Variants in MYO6 observed in about 807,000 individuals in gnomAD.
MYO6 encodes unconventional myosin-VI.
Under a neutral mutation model 178.7 loss-of-function variants are expected in MYO6, and 74 were observed. The ratio of observed to expected loss-of-function variants is 0.41; its 90% CI spans 0.34 to 0.50. The LOEUF is 0.50. Among genes scored for constraint, MYO6 ranks in the 20% least tolerant of loss-of-function variants. The probability of loss-of-function intolerance (pLI) is 0.09; values close to 1 mark genes in which losing one functional copy is unlikely to be tolerated. For missense variants in MYO6, 1,330 were observed against 1,547.4 expected, an observed-to-expected ratio of 0.86 and a Z score of 2.36; for synonymous variants, 477 against 504.6, an observed-to-expected ratio of 0.95 and a Z score of 0.73.
At chr6:75,807,433 C>T (rs1770214317) in intron 1 of MYO6, among the ~76,000 whole-genome samples, 1 of 152,112 alleles carries the variant, frequency 6.6e-6, no homozygotes, top group East Asian at 1.9e-4. Flanking sequence ...TTCTTCCTCT[C>T]TCTTTGGGGA....
chr6:75,765,004 A>C (rs1249324570), intron 1 of MYO6, among the ~76,000 whole-genome samples: 1 of 146,254 alleles, frequency 6.8e-6, no homozygotes, highest in Non-Finnish European at 1.5e-5. Context: ...GTCTCAAACA[A>C]AAAAAAAAAA....
At chr6:75,877,694 T>A (rs1355363837) in intron 20 of MYO6, among the ~76,000 whole-genome samples, 1 of 151,724 alleles carries the variant, frequency 6.6e-6, no homozygotes, top group Non-Finnish European at 1.5e-5. Context: ...GTGCCAGCTC[T>A]GCACCGAGAA....
At chr6:75,798,287 G>A (rs1338520593) in intron 1 of MYO6, among the ~76,000 whole-genome samples, 1 of 152,238 alleles carries the variant, frequency 6.6e-6, no homozygotes, top group Non-Finnish European at 1.5e-5. Context: ...AAAATCAGAT[G>A]GTTGTAGGTG....
intron 1 of MYO6, among the ~76,000 whole-genome samples, chr6:75,806,425 TG>T: frequency 6.7e-6 from 1 of 149,774 alleles, no homozygotes; most frequent in East Asian, 2.0e-4. Flanking sequence ...GGGAAGTGAG[TG>T]TCCATGGCTT....
At chr6:75,863,154 G>A (rs1002155386) in intron 16 of MYO6, among the ~76,000 whole-genome samples, 1 of 152,122 alleles carries the variant, frequency 6.6e-6, no homozygotes, top group Non-Finnish European at 1.5e-5. Flanking sequence ...AGCTAAGTGG[G>A]TATCAGTTGC....
intron 16 of MYO6, among the ~76,000 whole-genome samples, chr6:75,863,192 A>G (rs1776345894): frequency 6.6e-6 from 1 of 152,176 alleles, no homozygotes; most frequent in African/African-American, 2.4e-5. Flanking sequence ...ATCACATTCC[A>G]GGAGTTGGCA....
At chr6:75,855,379 G>T in intron 12 of MYO6, 96 bp downstream of exon 12, 3 of 1,261,070 alleles carry the variant, frequency 2.4e-6, no homozygotes, top group Non-Finnish European at 3.4e-6. Flanking sequence ...GAGCTTGGTA[G>T]ATCAAAATTC....
chr6:75,835,648 T>C (rs558429055), intron 6 of MYO6, among the ~76,000 whole-genome samples: 1 of 152,200 alleles, frequency 6.6e-6, no homozygotes, highest in South Asian at 2.1e-4. Context: ...GCCAGGCTGG[T>C]CTCGAACTCC....
rs576139124 is a variant in MYO6 at position 75,892,998 on chromosome 6, C to T, written c.3107+308C>T. ...AAGAGTATAGTATATTAGGTAGACA[C>T]CTAATTTCTAAATACCTGTCATCAA... On this transcript the variant is annotated intron_variant, in intron 28 of 34. Coordinates refer to ENST00000369977, the MANE Select transcript of MYO6 (RefSeq NM_004999.4). Among the ~76,000 whole-genome samples the T allele has an allele frequency of 4.6e-5, 7 of 152,000 alleles. No homozygotes were observed. In the South Asian group the frequency reaches 1.0e-3, roughly 23 times the overall value.
At position 75,880,124 on chromosome 6, in the gene MYO6, A is replaced by T. The variant is rs750539717; in HGVS notation, c.2286+4A>T. 4.4e-6 allele frequency: 7 copies of T among 1,597,678 alleles called. No homozygotes were observed. The African/African-American group carries it at 9.4e-5, about 21-fold the overall frequency. ...AGTATTTTTTAGACCTGGCAAGGTA[A>T]ATATACATTTTTTACTTTAAACTGT... On this transcript the variant is annotated splice_donor_region_variant and intron_variant, in intron 22 of 34. Transcript: ENST00000369977.
At position 75,914,866 on chromosome 6, in the gene MYO6, C is replaced by T. The variant is rs749828477; in HGVS notation, c.3712C>T (p.Arg1238Trp). 5.0e-6 allele frequency: 8 copies of T among 1,614,128 alleles called. No homozygotes were observed. In the South Asian group the frequency reaches 5.5e-5, roughly 11 times the overall value. ...ELNLEETGLT[R>W]KRGAEILPRQ... is the part of the protein sequence containing the mutation. ...GAATCTTGAGGAGACTGGCCTGACT[C>T]GGAAGCGTGGTGCTGAGATCTTGCC... Residue 1238 changes from arginine to tryptophan, a missense_variant, in exon 35 of 35, where the codon CGG becomes TGG. Arg to Trp is a moderately radical substitution (Grantham distance 101). Around this residue, in one of 3 missense-constraint regions of MYO6, gnomAD observed 601 missense variants for 626.1 expected, o/e 0.96. Transcript: ENST00000369977.
chr6:75,835,106 C>G (rs142704562), intron 6 of MYO6, among the ~76,000 whole-genome samples: 4 of 152,078 alleles, frequency 2.6e-5, no homozygotes, highest in Non-Finnish European at 4.4e-5. Flanking sequence ...CCCAGTTGTT[C>G]GGAGGCAGAT....
At chr6:75,905,647 C>T (rs989399712) in intron 30 of MYO6, among the ~76,000 whole-genome samples, 1 of 152,242 alleles carries the variant, frequency 6.6e-6, no homozygotes, top group African/African-American at 2.4e-5. Flanking sequence ...GAACCTGGTA[C>T]CTCAGATGGA....
At chr6:75,908,116 A>T (rs1780480081) in intron 31 of MYO6, among the ~76,000 whole-genome samples, 2 of 152,182 alleles carry the variant, frequency 1.3e-5, no homozygotes, top group South Asian at 4.1e-4. Flanking sequence ...ATATCTGCAT[A>T]ATTATAAAAA....
intron 18 of MYO6, among the ~76,000 whole-genome samples, chr6:75,870,445 A>C (rs925214987): frequency 6.6e-6 from 1 of 152,132 alleles, no homozygotes; most frequent in Non-Finnish European, 1.5e-5. Flanking sequence ...TGTGTAAGTT[A>C]TTGTTCTTGC....
intron 12 of MYO6, 94 bp downstream of exon 12, chr6:75,855,377 T>C: frequency 7.9e-7 from 1 of 1,262,778 alleles, no homozygotes; most frequent in Non-Finnish European, 1.1e-6. Context: ...CTGAGCTTGG[T>C]AGATCAAAAT....
chr6:75,887,210 A>C (rs900638063), intron 25 of MYO6, among the ~76,000 whole-genome samples: 1 of 152,166 alleles, frequency 6.6e-6, no homozygotes, highest in Admixed American at 6.5e-5. Flanking sequence ...TTTTTATGCC[A>C]TTTCTTCTGT....
chr6:75,789,288 TA>T (rs1375957434), intron 1 of MYO6, among the ~76,000 whole-genome samples: 4 of 152,190 alleles, frequency 2.6e-5, no homozygotes, highest in Non-Finnish European at 5.9e-5. Flanking sequence ...AAATGCTAAA[TA>T]CATCTCAATT....
intron 13 of MYO6, among the ~76,000 whole-genome samples, 187 bp downstream of exon 13, chr6:75,857,441 C>T (rs533154752): frequency 1.3e-5 from 2 of 152,210 alleles, no homozygotes; most frequent in African/African-American, 4.8e-5. Flanking sequence ...AGGAAAGACT[C>T]GTGGGGATTA....
Sources: allele counts gnomAD v4.1 joint callset (sites outside exome capture counted in the v4.1 genomes callset), GRCh38; gene constraint gnomAD v4.1.1; regional missense constraint gnomAD v4.1.1; transcripts MANE v1.5; gene names NCBI Gene and HGNC (gene_info 2026-07-23, HGNC 2026-07-21).